Variants in ITGB5 observed in about 807,000 individuals in gnomAD.
ITGB5 encodes the protein integrin beta-5.
In ITGB5, 38 loss-of-function variants were observed where a neutral mutation model predicts 84.8. The observed-to-expected ratio is 0.45, with a 90% CI of 0.35 to 0.59. The LOEUF (loss-of-function observed/expected upper bound fraction) is 0.59. Ranked by LOEUF, ITGB5 falls within the 20% of genes least tolerant of loss-of-function variation. The pLI, the probability that ITGB5 is intolerant of heterozygous loss-of-function variation, is 0.01. For synonymous variants in ITGB5, 393 were observed against 414.4 expected (o/e 0.95, Z 0.63); for missense variants, 905 against 1,034.5 (o/e 0.87, Z 1.72).
At chr3:124,870,610 C>T (rs996230866) in intron 2 of ITGB5, among the ~76,000 whole-genome samples, 1 of 152,002 alleles carries the variant, frequency 6.6e-6, no homozygotes, top group Non-Finnish European at 1.5e-5. Flanking sequence ...GCCTGTAATC[C>T]CAGCTACTCA....
intron 10 of ITGB5, among the ~76,000 whole-genome samples, chr3:124,776,429 C>T (rs935519682): frequency 5.3e-5 from 8 of 152,208 alleles, no homozygotes; most frequent in African/African-American, 1.9e-4. Flanking sequence ...TCCCCACCCC[C>T]CCAACATTTT....
At chr3:124,789,011 T>C (rs570554422) in intron 10 of ITGB5, among the ~76,000 whole-genome samples, 8 of 152,280 alleles carry the variant, frequency 5.3e-5, no homozygotes, top group East Asian at 1.9e-4. Flanking sequence ...CTGGGAAACA[T>C]AGGGAGACCC....
In ITGB5 at chr3:124,873,457, A is replaced by G; in HGVS notation, c.145T>C (p.Cys49Arg). 2 of 1,611,736 alleles carry G rather than the reference A, an allele frequency of 1.2e-6. No individual in the cohort carries two copies. The highest frequency in any genetic ancestry group is 1.7e-6 in the Non-Finnish European group (2 of 1,178,638). The change falls in exon 2 of 15, where the codon TGC becomes CGC. Residue 49 changes from cysteine (C) to arginine (R), a missense_variant. Physicochemically the swap from Cys to Arg is radical, Grantham distance 180 (BLOSUM62 -3). Coordinates refer to ENST00000296181, the MANE Select transcript of ITGB5 (RefSeq NM_002213.5). Reference sequence around the variant, plus strand: ...CCCCACCTACATACCTCTTTGGAGCACCAGGCACATTTTGGGTGGATTAGC... The same window carrying G: ...CCCCACCTACATACCTCTTTGGAGCGCCAGGCACATTTTGGGTGGATTAGC... ...CLLIHPKCAW[C>R]SKEDFGSPRS...
chr3:124,791,337 ACACACATTCCCATGACAATG>A (rs2150960463), intron 10 of ITGB5: 1 of 152,372 alleles, frequency 6.6e-6, no homozygotes, highest in South Asian at 2.1e-4. Flanking sequence ...CCCCAAGCTC[ACACACATTCCCATGACAATG>A]TGTCACAAAA....
chr3:124,796,367 G>C lies in ITGB5; in HGVS notation c.1693+21C>G, dbSNP rs776594862. 3.2e-6 allele frequency: 5 copies of C among 1,583,674 alleles called. No homozygotes were observed. The Admixed American group carries it at 8.5e-5, about 27-fold the overall frequency. Reference sequence around the variant, plus strand: ...CATCTTGGCCTGGCTCAGAGCTAAAGTGCTTGCTGGGGACACTTACCTGAG... The same window carrying C: ...CATCTTGGCCTGGCTCAGAGCTAAACTGCTTGCTGGGGACACTTACCTGAG... On this transcript the variant is annotated intron_variant, in intron 10 of 14. Transcript: ENST00000296181.
intron 10 of ITGB5, among the ~76,000 whole-genome samples, chr3:124,782,589 G>A (rs991455985): frequency 3.3e-5 from 5 of 152,228 alleles, no homozygotes; most frequent in Admixed American, 2.6e-4. Context: ...TGGGCACGGT[G>A]GCTCACGGCT....
At chr3:124,763,840 T>C in intron 14 of ITGB5, 122 bp from the exon 15 acceptor site, 1 of 619,848 alleles carries the variant, frequency 1.6e-6, no homozygotes, top group Non-Finnish European at 2.9e-6. Flanking sequence ...GGCAGAGCAC[T>C]CAGGAGGAGA....
chr3:124,781,937 G>A (rs992122803), intron 10 of ITGB5, among the ~76,000 whole-genome samples: 1 of 152,200 alleles, frequency 6.6e-6, no homozygotes. Flanking sequence ...TTCCTCACCA[G>A]TAGGAGAGGA....
intron 2 of ITGB5, among the ~76,000 whole-genome samples, chr3:124,864,256 G>A (rs1232077015): frequency 6.6e-5 from 10 of 151,490 alleles, no homozygotes; most frequent in South Asian, 2.1e-4. Context: ...ACAGGTGCCC[G>A]CCACCACGCC....
intron 12 of ITGB5, among the ~76,000 whole-genome samples, chr3:124,767,856 G>C (rs1015423358): frequency 2.0e-5 from 3 of 152,210 alleles, no homozygotes; most frequent in African/African-American, 7.2e-5. Flanking sequence ...TGGACTGCTT[G>C]ACCCCAGGAG....
chr3:124,885,142 C>G (rs555963909), intron 1 of ITGB5, among the ~76,000 whole-genome samples: 1 of 151,986 alleles, frequency 6.6e-6, no homozygotes. Flanking sequence ...ATGGTCGCAG[C>G]GCCTGTAATC....
intron 10 of ITGB5, 147 bp from the exon 11 acceptor site, chr3:124,774,059 A>G: frequency 1.3e-6 from 1 of 741,032 alleles, no homozygotes; most frequent in Non-Finnish European, 2.2e-6. Context: ...AGATAGACAG[A>G]GGGCCTAGAG....
intron 1 of ITGB5, among the ~76,000 whole-genome samples, chr3:124,895,760 G>T (rs959067770): frequency 6.6e-6 from 1 of 152,200 alleles, no homozygotes; most frequent in Non-Finnish European, 1.5e-5. Context: ...GTTTGCAGTA[G>T]CTGATGCCCC....
chr3:124,900,473 G>A (rs982390710), intron 1 of ITGB5, among the ~76,000 whole-genome samples: 3 of 152,150 alleles, frequency 2.0e-5, no homozygotes, highest in African/African-American at 7.2e-5. Context: ...TTCCTTATTG[G>A]CCCACATGTC....
chr3:124,817,591 TGGCAGTG>T lies in ITGB5; in HGVS notation c.1128+23_1128+29del. On this transcript the variant is annotated intron_variant, in intron 8 of 14. Coordinates refer to ENST00000296181, the MANE Select transcript of ITGB5 (RefSeq NM_002213.5). ...TCAGTGGGAGAGGGTGGAAGGGAGG[TGGCAGTG>T]GGGGAAGAAACTGATGACTTACATT... 2.5e-6 allele frequency: 3 copies of T among 1,211,418 alleles called. No individual in the cohort carries two copies. In the South Asian group the frequency reaches 4.1e-5, roughly 16 times the overall value. 75.0% of individuals were successfully genotyped at this position (1,211,418 alleles called of 1,614,324 possible).
At chr3:124,852,732 G>A (rs956636954) in intron 3 of ITGB5, among the ~76,000 whole-genome samples, 1 of 152,238 alleles carries the variant, frequency 6.6e-6, no homozygotes. Context: ...CTGTCACCCA[G>A]GCTAGAGTAC....
chr3:124,873,350 T>C (rs894994258), intron 2 of ITGB5, 96 bp downstream of exon 2: 4 of 853,244 alleles, frequency 4.7e-6, no homozygotes, highest in South Asian at 1.3e-5. Flanking sequence ...AGGATTTTTA[T>C]GTATAGTGAA....
chr3:124,861,343 G>A (rs2065294336), intron 2 of ITGB5, among the ~76,000 whole-genome samples: 1 of 151,678 alleles, frequency 6.6e-6, no homozygotes, highest in Non-Finnish European at 1.5e-5. Flanking sequence ...AGCCATGGTG[G>A]CTCATGCCAG....
At chr3:124,788,044 A>G (rs918507530) in intron 10 of ITGB5, among the ~76,000 whole-genome samples, 1 of 151,600 alleles carries the variant, frequency 6.6e-6, no homozygotes, top group African/African-American at 2.4e-5. Flanking sequence ...AGTAGCTGGG[A>G]CCACAGGCAC....
Sources: gnomAD v4.1 joint callset for allele counts (sites outside exome capture counted in the v4.1 genomes callset) on GRCh38, gnomAD v4.1.1 for gene constraint, MANE v1.5 for transcripts, NCBI Gene and HGNC (gene_info 2026-07-23, HGNC 2026-07-21) for gene names.